The following MSL2 variants were observed in gnomAD, a reference collection of about 807,000 sequenced individuals.
The protein encoded by MSL2 is MSL complex subunit 2, also known as E3 ubiquitin-protein ligase MSL2.
Under a neutral mutation model 35.8 loss-of-function variants are expected in MSL2, and 2 were observed. That is an observed-to-expected ratio of 0.06 (90% CI 0.02 to 0.18). The LOEUF (loss-of-function observed/expected upper bound fraction) is 0.18. Ranked by LOEUF, MSL2 falls within the 10% of genes least tolerant of loss-of-function variation. MSL2 has a pLI of 1.00. For synonymous variants in MSL2, 296 were observed against 255.7 expected (o/e 1.16, Z -1.50); for missense variants, 523 against 706.7 (o/e 0.74, Z 2.95).
At position 136,195,467 on chromosome 3, in the gene MSL2, G is replaced by GA; in HGVS notation, c.-355dup. 9.7e-7 allele frequency: 1 copy of GA among 1,029,772 alleles called. No homozygotes were observed. Among genetic ancestry groups the GA allele is most frequent in the African/African-American group, 1.7e-5 (1 of 58,200 alleles). The allele number at this position is 1,029,772 out of a possible 1,614,324, so 63.8% of individuals were successfully genotyped here. ...GCGGCTCGGCAGGCGGCCTGCACTC[G>GA]AGCTCCATCTCCGGACACGGAGGCG... On this transcript the variant is annotated 5_prime_UTR_variant, in exon 1 of 2. It removes the in-frame stop codon of an upstream open reading frame in the 5' UTR. Transcript: ENST00000309993.
intron 1 of MSL2, among the ~76,000 whole-genome samples, chr3:136,190,152 C>T (rs1039828111): frequency 1.3e-5 from 2 of 152,202 alleles, no homozygotes; most frequent in African/African-American, 4.8e-5. Flanking sequence ...CTCTACTCAG[C>T]ACTTGGCCAA....
In MSL2 at chr3:136,195,483, C is replaced by G. The variant is rs1434183018; in HGVS notation, c.-370G>C. 9.8e-7 allele frequency: 1 copy of G among 1,017,816 alleles called. No homozygotes were observed. Among genetic ancestry groups the G allele is most frequent in the Non-Finnish European group, 1.2e-6 (1 of 850,840 alleles). 63.0% of individuals were successfully genotyped at this position (1,017,816 alleles called of 1,614,324 possible). A position where few individuals can be genotyped will look rare whatever the true frequency, so the allele number is the denominator to read the frequency against. ...CCTGCACTCGAGCTCCATCTCCGGA[C>G]ACGGAGGCGCCTCCTCAAGTCGAGC... On this transcript the variant is annotated 5_prime_UTR_variant, in exon 1 of 2. Coordinates refer to ENST00000309993, the MANE Select transcript of MSL2 (RefSeq NM_018133.4).
rs5852838 is a variant in MSL2 at position 136,184,750 on chromosome 3, AGGGG to A, written c.142+10218_142+10221del. ...TTAGATAAAGGTTAAAAAAAAAAAA[AGGGG>A]GGGGGGGGGACAAAGGTCACGTGTG... On this transcript the variant is annotated intron_variant, in intron 1 of 1. Transcript: ENST00000309993. Among the ~76,000 whole-genome samples the A allele has an allele frequency of 3.1e-3, 229 of 74,626 alleles. 14 individuals carry two copies. Among genetic ancestry groups the A allele is most frequent in the African/African-American group, 0.013 (204 of 15,724 alleles). 49.0% of individuals were successfully genotyped at this position (74,626 alleles called of 152,430 possible). A position where few individuals can be genotyped will look rare whatever the true frequency, so the allele number is the denominator to read the frequency against.
chr3:136,195,751 T>TGGCTCTCCGCCCC lies in MSL2; in HGVS notation c.-651_-639dup. The TGGCTCTCCGCCCC allele has an allele frequency of 1.0e-6, 1 of 984,324 alleles. No individual in the cohort carries two copies. The highest frequency in any genetic ancestry group is 1.8e-5 in the African/African-American group (1 of 56,838). The allele number at this position is 984,324 out of a possible 1,614,324, so 61.0% of individuals were successfully genotyped here. A position where few individuals can be genotyped will look rare whatever the true frequency, so the allele number is the denominator to read the frequency against. On this transcript the variant is annotated 5_prime_UTR_variant, in exon 1 of 2. Transcript: ENST00000309993. ...CGGACGCGGGGCCCAGACTGCGCCCTGGCTCTCCGCCCCGTGGGTTGCAGC... is the reference window on the plus strand; with the variant it reads ...CGGACGCGGGGCCCAGACTGCGCCCTGGCTCTCCGCCCCGGCTCTCCGCCCCGTGGGTTGCAGC...
At chr3:136,155,676 A>C in intron 1 of MSL2, 1 of 488,050 alleles carries the variant, frequency 2.0e-6, no homozygotes, top group Non-Finnish European at 4.1e-6. Flanking sequence ...GCTAAACAAA[A>C]CCTGCTGCCT....
intron 1 of MSL2, among the ~76,000 whole-genome samples, chr3:136,178,170 G>A (rs1444653333): frequency 2.0e-5 from 3 of 152,228 alleles, no homozygotes; most frequent in Non-Finnish European, 2.9e-5. Flanking sequence ...GCCAGACATC[G>A]TTTATCTTAA....
At chr3:136,182,873 A>G (rs1228901448) in intron 1 of MSL2, among the ~76,000 whole-genome samples, 4 of 152,228 alleles carry the variant, frequency 2.6e-5, no homozygotes, top group Admixed American at 6.5e-5. Context: ...GAAGTAGCAG[A>G]GTAATTCCTC....
rs971222660 is a variant in MSL2 at position 136,150,225 on chromosome 3, G to C, written c.*922C>G. 1 of 152,284 alleles carries C rather than the reference G, an allele frequency of 6.6e-6. No homozygotes were observed. The highest frequency in any genetic ancestry group is 2.4e-5 in the African/African-American group (1 of 41,414). The allele number at this position is 152,284 out of a possible 1,614,324, so 9.4% of individuals were successfully genotyped here. ...GGAGCATATTCAAAATAAAGACTGT[G>C]GCAAATAAACTATTAGAGAAAATAA... is the stretch of plus-strand genomic sequence containing the variant. On this transcript the variant is annotated 3_prime_UTR_variant, in exon 2 of 2. Coordinates refer to ENST00000309993, the MANE Select transcript of MSL2 (RefSeq NM_018133.4).
intron 1 of MSL2, among the ~76,000 whole-genome samples, chr3:136,164,673 G>C (rs559919574): frequency 3.3e-5 from 5 of 151,834 alleles, no homozygotes; most frequent in African/African-American, 1.2e-4. Flanking sequence ...CAACATACTT[G>C]AATTTGTTGG....
At chr3:136,177,680 T>TACAAA in intron 1 of MSL2, among the ~76,000 whole-genome samples, 1 of 78,458 alleles carries the variant, frequency 1.3e-5, no homozygotes, top group Admixed American at 1.4e-4. Context: ...CTCCGTCTCA[T>TACAAA]AAAAAAAAAA....
chr3:136,150,938 G>A lies in MSL2; in HGVS notation c.*209C>T. On this transcript the variant is annotated 3_prime_UTR_variant, in exon 2 of 2. Transcript: ENST00000309993. ...CTTTGTTCTCAAACTATGAGGTTCTGTAAGAACTAAGGACATATAGTTGTA... is the reference window on the plus strand; with the variant it reads ...CTTTGTTCTCAAACTATGAGGTTCTATAAGAACTAAGGACATATAGTTGTA... The A allele has an allele frequency of 1.8e-6, 1 of 542,226 alleles. No individual in the cohort carries two copies. The highest frequency in any genetic ancestry group is 3.2e-6 in the Non-Finnish European group (1 of 308,016). 33.6% of individuals were successfully genotyped at this position (542,226 alleles called of 1,614,324 possible).
At chr3:136,153,580 G>C (rs186983668) in intron 1 of MSL2, among the ~76,000 whole-genome samples, 1 of 152,042 alleles carries the variant, frequency 6.6e-6, no homozygotes, top group East Asian at 1.9e-4. Flanking sequence ...CTGAGGTCAG[G>C]AGTTCAAGGC....
intron 1 of MSL2, among the ~76,000 whole-genome samples, chr3:136,181,218 C>T (rs1940351545): frequency 6.6e-6 from 1 of 151,990 alleles, no homozygotes; most frequent in East Asian, 1.9e-4. Context: ...TTTTTATGCT[C>T]ATCATCTAGT....
chr3:136,149,939 A>T lies in MSL2; in HGVS notation c.*1208T>A, dbSNP rs1939301389. The T allele has an allele frequency of 1.3e-5, 2 of 152,724 alleles. No individual in the cohort carries two copies. Among genetic ancestry groups the T allele is most frequent in the South Asian group, 4.1e-4 (2 of 4,826 alleles). The allele number at this position is 152,724 out of a possible 1,614,324, so 9.5% of individuals were successfully genotyped here. ...ATTACACCTAGTCAGTCCTTGTTTT[A>T]TTTGGGCTGTGCTCTTTCAAGCAAC... is the stretch of plus-strand genomic sequence containing the variant. On this transcript the variant is annotated 3_prime_UTR_variant, in exon 2 of 2. Transcript: ENST00000309993.
chr3:136,178,802 T>A (rs1372935279), intron 1 of MSL2, among the ~76,000 whole-genome samples: 1 of 151,864 alleles, frequency 6.6e-6, no homozygotes, highest in African/African-American at 2.4e-5. Flanking sequence ...CCTCCCAAAG[T>A]GCTGGGATTA....
chr3:136,184,721 C>T (rs1165474109), intron 1 of MSL2, among the ~76,000 whole-genome samples: 1 of 120,072 alleles, frequency 8.3e-6, no homozygotes, highest in Non-Finnish European at 1.6e-5. Flanking sequence ...CTTACAGGAG[C>T]AAGTTAGATA....
intron 1 of MSL2, among the ~76,000 whole-genome samples, chr3:136,170,548 C>T (rs1464858343): frequency 7.6e-6 from 1 of 131,586 alleles, no homozygotes; most frequent in African/African-American, 2.9e-5. Flanking sequence ...GGGAGTCTCG[C>T]TCTGTCGCCA....
Position 136,152,533 on chromosome 3 carries a change from T to C in MSL2, c.348A>G (p.Ala116=). The stretch of plus-strand genomic sequence containing the variant: ...AGTCAACTGCTTCTATTATATCCCG[T>C]GCCAGTGTAGTCTGTGTTATATACT... ...LCEYITQTTL[A]RDIIEAVDCS... is the part of the protein sequence containing the mutation. Residue 116 remains alanine (A), a synonymous_variant, in exon 2 of 2, where the codon GCA becomes GCG. Transcript: ENST00000309993. 1 of 1,614,236 alleles carries C rather than the reference T, an allele frequency of 6.2e-7. No homozygotes were observed. The highest frequency in any genetic ancestry group is 8.5e-7 in the Non-Finnish European group (1 of 1,180,032).
Position 136,186,875 on chromosome 3 carries a change from T to G in MSL2, c.142+8097A>C, listed in dbSNP as rs917005484. 5.3e-5 allele frequency among the ~76,000 whole-genome samples: 8 copies of G among 152,144 alleles called. No individual in the cohort carries two copies. The East Asian group carries it at 7.7e-4, about 15-fold the overall frequency. On this transcript the variant is annotated intron_variant, in intron 1 of 1. Coordinates refer to ENST00000309993, the MANE Select transcript of MSL2 (RefSeq NM_018133.4). ...AGTCTTCCATGAAACCAGTCCCTAG[T>G]GCCAAAAAGGTAGGGAACTGCCGCT... is the stretch of plus-strand genomic sequence containing the variant.
Sources: allele counts gnomAD v4.1 joint callset (sites outside exome capture counted in the v4.1 genomes callset), GRCh38; gene constraint gnomAD v4.1.1; transcripts MANE v1.5; gene names NCBI Gene and HGNC (gene_info 2026-07-23, HGNC 2026-07-21).